The following TPM3 variants were observed in gnomAD, a reference collection of about 807,000 sequenced individuals.
The protein encoded by TPM3 is tropomyosin alpha-3 chain.
TPM3 carries 16 observed loss-of-function variants against 43.1 expected under a neutral mutation model. That is an observed-to-expected ratio of 0.37 (90% CI 0.25 to 0.56). TPM3 has a LOEUF of 0.56. Among genes scored for constraint, TPM3 ranks in the 20% least tolerant of loss-of-function variants. The pLI is 0.77. For synonymous variants in TPM3, 101 were observed against 116.9 expected, an observed-to-expected ratio of 0.86 and a Z score of 0.88; for missense variants, 176 against 337.2, an observed-to-expected ratio of 0.52 and a Z score of 3.74.
Position 154,165,231 on chromosome 1 carries a change from A to G in TPM3, c.*2706T>C, listed in dbSNP as rs1660812350. Among the ~76,000 whole-genome samples, 1 of 151,670 alleles carries G rather than the reference A, an allele frequency of 6.6e-6. No individual in the cohort carries two copies. Among genetic ancestry groups the G allele is most frequent in the South Asian group, 2.1e-4 (1 of 4,804 alleles). On this transcript the variant is annotated 3_prime_UTR_variant, in exon 10 of 10. Transcript: ENST00000651641. ...ACCCCGTCCGTACTAAAAATACAAA[A>G]ATCAGCTGGGCATGGTGGTGGGTAT...
downstream of TPM3, chr1:154,156,346 G>C (rs2148179372): frequency 5.4e-6 from 1 of 186,128 alleles, no homozygotes; most frequent in Non-Finnish European, 1.1e-5. Context: ...ATAAATAAAA[G>C]TCAAATAGGT....
chr1:154,186,500 A>G (rs1451558254), intron 2 of TPM3, among the ~76,000 whole-genome samples: 1 of 151,528 alleles, frequency 6.6e-6, no homozygotes, highest in South Asian at 2.1e-4. Context: ...CCAGCAATAC[A>G]ATATATCAAC....
At position 154,166,631 on chromosome 1, in the gene TPM3, T is replaced by C; in HGVS notation, c.*1306A>G. ...AACAACACTTACGTGCTTGGATTAG[T>C]ATAATTCACAGCTATACTATTAAGA... On this transcript the variant is annotated 3_prime_UTR_variant, in exon 10 of 10. Coordinates refer to ENST00000651641, the MANE Select transcript of TPM3 (RefSeq NM_152263.4). 1 of 1,038,528 alleles carries C rather than the reference T, an allele frequency of 9.6e-7. No individual in the cohort carries two copies. The highest frequency in any genetic ancestry group is 1.2e-6 in the Non-Finnish European group (1 of 862,466). The allele number at this position is 1,038,528 out of a possible 1,614,324, so 64.3% of individuals were successfully genotyped here. A position where few individuals can be genotyped will look rare whatever the true frequency, so the allele number is the denominator to read the frequency against.
At chr1:154,180,568 G>A (rs745900965) in intron 2 of TPM3, among the ~76,000 whole-genome samples, 6 of 152,036 alleles carry the variant, frequency 3.9e-5, no homozygotes, top group African/African-American at 7.3e-5. Flanking sequence ...CTAGACCTCA[G>A]CTCAATAAGC....
intron 2 of TPM3, chr1:154,187,353 T>C: frequency 1.0e-6 from 1 of 984,776 alleles, no homozygotes; most frequent in Non-Finnish European, 1.2e-6. Flanking sequence ...GAAAGAAACC[T>C]TTCTTCTTGC....
At chr1:154,172,544 C>A in intron 5 of TPM3, 1 of 471,112 alleles carries the variant, frequency 2.1e-6, no homozygotes, top group Non-Finnish European at 4.2e-6. Context: ...AGGTTTGAGC[C>A]ACCACACCCA....
chr1:154,183,080 T>C, intron 2 of TPM3: 1 of 1,601,772 alleles, frequency 6.2e-7, no homozygotes, highest in Non-Finnish European at 8.5e-7. Context: ...AGAACCTGGA[T>C]CTTGCGCTTC....
downstream of TPM3, chr1:154,157,006 A>C (rs1659879539): frequency 5.0e-6 from 1 of 199,872 alleles, no homozygotes; most frequent in African/African-American, 2.3e-5. Context: ...AAAAATAAAA[A>C]ATAGAAATAA....
At chr1:154,171,717 A>T (rs1262267164) in intron 5 of TPM3, 1 of 629,130 alleles carries the variant, frequency 1.6e-6, no homozygotes, top group Non-Finnish European at 2.8e-6. Flanking sequence ...GAATACTAAT[A>T]AAGCACTTGA....
intron 6 of TPM3, 130 bp from the exon 7 acceptor site, chr1:154,170,841 A>G: frequency 1.4e-6 from 1 of 734,180 alleles, no homozygotes; most frequent in Non-Finnish European, 2.4e-6. Context: ...GAGTAAGAGC[A>G]AGGCCTGGCT....
downstream of TPM3, chr1:154,156,337 T>A (rs1340133060): frequency 5.4e-6 from 1 of 185,396 alleles, no homozygotes; most frequent in South Asian, 2.0e-4. Context: ...TTAGTTTTAA[T>A]AAATAAAAGT....
At chr1:154,157,159 C>A (rs1659898787), downstream of TPM3, 1 of 276,184 alleles carries the variant, frequency 3.6e-6, no homozygotes, top group Middle Eastern at 1.1e-3. Flanking sequence ...ACAGCGGAGT[C>A]TCCCTGGGCT....
chr1:154,177,952 A>C (rs181937233), intron 2 of TPM3, among the ~76,000 whole-genome samples: 10 of 152,332 alleles, frequency 6.6e-5, no homozygotes, highest in Admixed American at 5.9e-4. Context: ...ACTACTCAAA[A>C]CACCACAAAG....
At chr1:154,159,964 TATTTAAGCTACTAA>T (rs1331077053), downstream of TPM3, among the ~76,000 whole-genome samples, 1 of 151,718 alleles carries the variant, frequency 6.6e-6, no homozygotes, top group Non-Finnish European at 1.5e-5. Flanking sequence ...ATCCCATATT[TATTTAAGCTACTAA>T]GTAAGTTATT....
At chr1:154,185,112 C>T (rs1337787934) in intron 2 of TPM3, among the ~76,000 whole-genome samples, 1 of 152,168 alleles carries the variant, frequency 6.6e-6, no homozygotes, top group Non-Finnish European at 1.5e-5. Context: ...TGGCTCATGC[C>T]TGTAATCCCA....
Position 154,183,176 on chromosome 1 carries a change from C to T in TPM3, c.244-6928G>A, listed in dbSNP as rs921944960. 4.4e-6 allele frequency: 7 copies of T among 1,595,974 alleles called. No homozygotes were observed. In the Admixed American group the frequency reaches 5.0e-5, roughly 11 times the overall value. On this transcript the variant is annotated intron_variant, in intron 2 of 9. Coordinates refer to ENST00000651641, the MANE Select transcript of TPM3 (RefSeq NM_152263.4). ...TTCCTGCCTCCTCCGCTCGGCGTTG[C>T]AGCCTCCTCTCACCCTTACTTCCGC...
intron 2 of TPM3, among the ~76,000 whole-genome samples, chr1:154,189,475 G>A (rs1304913166): frequency 1.3e-5 from 2 of 150,056 alleles, no homozygotes; most frequent in South Asian, 2.1e-4. Flanking sequence ...GCAACAGAGC[G>A]AGACTCCATC....
intron 5 of TPM3, chr1:154,171,958 G>C: frequency 1.9e-6 from 3 of 1,553,044 alleles, no homozygotes; most frequent in Non-Finnish European, 2.7e-6. Flanking sequence ...GGAGGCAGCT[G>C]CAAAACAAAA....
chr1:154,158,125 G>T (rs1435260580), downstream of TPM3, among the ~76,000 whole-genome samples: 2 of 152,182 alleles, frequency 1.3e-5, no homozygotes, highest in Non-Finnish European at 2.9e-5. Context: ...CAGAATCTCA[G>T]ATTATAAAGA....
Sources: allele counts gnomAD v4.1 joint callset (sites outside exome capture counted in the v4.1 genomes callset), GRCh38; gene constraint gnomAD v4.1.1; transcripts MANE v1.5; gene names NCBI Gene and HGNC (gene_info 2026-07-23, HGNC 2026-07-21).